Variants in SLC16A2 observed in about 807,000 individuals in gnomAD.
SLC16A2 encodes the protein solute carrier family 16 member 2, also known as monocarboxylate transporter 8.
SLC16A2 carries 3 observed loss-of-function variants against 27.2 expected under a neutral mutation model. That is an observed-to-expected ratio of 0.11 (90% CI 0.05 to 0.28). The LOEUF (loss-of-function observed/expected upper bound fraction) is 0.28, where lower values mean the gene tolerates loss of function less well. Among genes scored for constraint, SLC16A2 ranks in the 10% least tolerant of loss-of-function variants. SLC16A2 has a pLI of 1.00. For synonymous variants in SLC16A2, 202 were observed against 187.8 expected (o/e 1.08, Z -0.62); for missense variants, 295 against 458.5 (o/e 0.64, Z 3.26).
At position 74,531,422 on chromosome X, in the gene SLC16A2, G is replaced by A. The variant is rs1254426600; in HGVS notation, c.1489G>A (p.Val497Ile). ...PIIGAVILFF[V>I]PLMHQRMFKK... is the part of the protein sequence containing the mutation. ...CATCGGGGCTGTAATCCTCTTCTTC[G>A]TCCCTCTGATGCATCAAAGGATGTT... Residue 497 changes from valine (V) to isoleucine (I), a missense_variant, in exon 6 of 6, where the codon GTC becomes ATC. Val to Ile is a conservative substitution (Grantham distance 29). Transcript: ENST00000587091. The A allele has an allele frequency of 8.3e-6, 10 of 1,210,371 alleles. No homozygotes were observed. The highest frequency in any genetic ancestry group is 5.9e-5 in the East Asian group (2 of 33,824).
chrX:74,480,670 A>G (rs776653187), intron 1 of SLC16A2, among the ~76,000 whole-genome samples: 2 of 112,776 alleles, frequency 1.8e-5, no homozygotes, highest in South Asian at 3.6e-4. Flanking sequence ...AGATCATGTC[A>G]TCTACAAATA....
chrX:74,429,602 A>G (rs1928496564), intron 1 of SLC16A2, among the ~76,000 whole-genome samples: 2 of 111,972 alleles, frequency 1.8e-5, no homozygotes, highest in South Asian at 3.7e-4. Flanking sequence ...CAATGCCCAT[A>G]CCATCTTTTT....
At position 74,504,988 on chromosome X, in the gene SLC16A2, T is replaced by TCAAA. The variant is rs766728721; in HGVS notation, c.431-15987_431-15984dup. On this transcript the variant is annotated intron_variant, in intron 1 of 5. Transcript: ENST00000587091. ...CCGGGTGACAGAGCAAGATCCTGTC[T>TCAAA]CAAACAAACAAACAAACACACAAAA... 2.5e-4 allele frequency among the ~76,000 whole-genome samples: 28 copies of TCAAA among 111,738 alleles called. 1 individual carries two copies. The highest frequency in any genetic ancestry group is 4.9e-4 in the Non-Finnish European group (26 of 53,143).
chrX:74,510,167 T>C (rs1304135123), intron 1 of SLC16A2, among the ~76,000 whole-genome samples: 1 of 111,817 alleles, frequency 8.9e-6, no homozygotes, highest in Admixed American at 9.5e-5. Flanking sequence ...CTTGCAGTTC[T>C]AATAAGACCC....
At chrX:74,445,817 G>A (rs1928828932) in intron 1 of SLC16A2, among the ~76,000 whole-genome samples, 1 of 109,225 alleles carries the variant, frequency 9.2e-6, no homozygotes, top group Non-Finnish European at 1.9e-5. Flanking sequence ...GAGGGGCCAA[G>A]TGGTTCATGC....
chrX:74,520,593 G>T (rs1393528084), intron 1 of SLC16A2, among the ~76,000 whole-genome samples: 1 of 111,629 alleles, frequency 9.0e-6, no homozygotes, highest in Non-Finnish European at 1.9e-5. Flanking sequence ...ATTCCAGGGG[G>T]CTTTTGTCTG....
intron 1 of SLC16A2, among the ~76,000 whole-genome samples, chrX:74,422,920 G>T (rs1344180584): frequency 8.9e-6 from 1 of 112,731 alleles, no homozygotes; most frequent in East Asian, 2.8e-4. Flanking sequence ...TACCGGTGGG[G>T]TGCCTCGTTC....
intron 1 of SLC16A2, among the ~76,000 whole-genome samples, chrX:74,497,215 G>A (rs183092105): frequency 1.3e-3 from 149 of 111,868 alleles, no homozygotes; most frequent in African/African-American, 4.7e-3. Context: ...CCAGCCAGGG[G>A]CCAGGACCTT....
At chrX:74,426,813 G>A (rs1466141802) in intron 1 of SLC16A2, among the ~76,000 whole-genome samples, 3 of 112,628 alleles carry the variant, frequency 2.7e-5, no homozygotes, top group African/African-American at 9.7e-5. Flanking sequence ...ATGACAGTGA[G>A]GATGGATTGG....
intron 4 of SLC16A2, among the ~76,000 whole-genome samples, chrX:74,527,330 T>C (rs1223715551): frequency 8.9e-6 from 1 of 112,610 alleles, no homozygotes; most frequent in Non-Finnish European, 1.9e-5. Context: ...ATTTTACAAA[T>C]TGAGTGTCTT....
chrX:74,494,222 G>A (rs1929891793), intron 1 of SLC16A2, among the ~76,000 whole-genome samples: 1 of 112,127 alleles, frequency 8.9e-6, no homozygotes, highest in African/African-American at 3.2e-5. Context: ...GGACAGATAT[G>A]CCACAATTGG....
intron 1 of SLC16A2, among the ~76,000 whole-genome samples, chrX:74,435,776 A>G (rs1374229705): frequency 9.1e-6 from 1 of 109,463 alleles, no homozygotes; most frequent in East Asian, 2.9e-4. Context: ...GGATCTGGAC[A>G]TAAATAATGC....
At chrX:74,475,878 C>T (rs1470128978) in intron 1 of SLC16A2, among the ~76,000 whole-genome samples, 2 of 111,752 alleles carry the variant, frequency 1.8e-5, no homozygotes, top group Non-Finnish European at 3.8e-5. Flanking sequence ...GTTTTGGTTA[C>T]TGTAGCCCTG....
intron 1 of SLC16A2, among the ~76,000 whole-genome samples, chrX:74,478,135 G>T (rs745544463): frequency 2.7e-5 from 3 of 111,639 alleles, no homozygotes; most frequent in Admixed American, 9.5e-5. Flanking sequence ...TCTCTTTGTA[G>T]GTCTCTAAGG....
At chrX:74,465,526 T>A (rs1349030159) in intron 1 of SLC16A2, among the ~76,000 whole-genome samples, 3 of 111,397 alleles carry the variant, frequency 2.7e-5, no homozygotes, top group Admixed American at 9.6e-5. Context: ...TTGAACAATA[T>A]TTCACTCTTC....
At chrX:74,485,202 G>A (rs1929693462) in intron 1 of SLC16A2, among the ~76,000 whole-genome samples, 1 of 85,992 alleles carries the variant, frequency 1.2e-5, no homozygotes, top group Non-Finnish European at 2.2e-5. Context: ...AGCAACAAGA[G>A]CAAAATGCCA....
intron 1 of SLC16A2, among the ~76,000 whole-genome samples, chrX:74,503,530 C>G (rs965110557): frequency 9.0e-6 from 1 of 111,373 alleles, no homozygotes; most frequent in Middle Eastern, 4.2e-3. Context: ...TACCTGATCC[C>G]TGATGTTCCA....
intron 1 of SLC16A2, among the ~76,000 whole-genome samples, chrX:74,431,558 A>T (rs1569283210): frequency 9.0e-6 from 1 of 111,722 alleles, no homozygotes; most frequent in Non-Finnish European, 1.9e-5. Flanking sequence ...ATCGTACACC[A>T]AACCTCAGCA....
At chrX:74,437,392 C>T (rs1201242158) in intron 1 of SLC16A2, among the ~76,000 whole-genome samples, 2 of 112,325 alleles carry the variant, frequency 1.8e-5, no homozygotes, top group Non-Finnish European at 3.8e-5. Flanking sequence ...AGCTCCTTCC[C>T]TGAACCCTAA....
Sources: gnomAD v4.1 joint callset for allele counts (sites outside exome capture counted in the v4.1 genomes callset) on GRCh38, gnomAD v4.1.1 for gene constraint, MANE v1.5 for transcripts, NCBI Gene and HGNC (gene_info 2026-07-23, HGNC 2026-07-21) for gene names.